The following USP47 variants were observed in gnomAD, a reference collection of about 807,000 sequenced individuals.
USP47 encodes ubiquitin carboxyl-terminal hydrolase 47.
In USP47, 35 loss-of-function variants were observed where a neutral mutation model predicts 165.1. The observed-to-expected ratio is 0.21, with a 90% CI of 0.16 to 0.28. USP47 has a LOEUF of 0.28. Ranked by LOEUF, USP47 falls within the 10% of genes least tolerant of loss-of-function variation. The pLI is 1.00. For synonymous variants in USP47, 531 were observed against 544.5 expected (o/e 0.98, Z 0.35); for missense variants, 1,277 against 1,607.4 (o/e 0.79, Z 3.52).
chr11:11,867,078 G>C (rs937737530), intron 1 of USP47, among the ~76,000 whole-genome samples: 1 of 151,978 alleles, frequency 6.6e-6, no homozygotes, highest in Non-Finnish European at 1.5e-5. Context: ...TGTATTTTTG[G>C]TAGAGACAGG....
At position 11,842,073 on chromosome 11, in the gene USP47, G is replaced by C; in HGVS notation, c.-113G>C. On this transcript the variant is annotated 5_prime_UTR_variant, in exon 1 of 28. Coordinates refer to ENST00000527733, the MANE Select transcript of USP47 (RefSeq NM_001282659.2). ...CAGGCTGAGGCCTCCGCTATTGCTG[G>C]AGCGCAGGCGGCGGAGAGGATGACT... The C allele has an allele frequency of 7.4e-7, 1 of 1,347,018 alleles. No homozygotes were observed. Among genetic ancestry groups the C allele is most frequent in the Non-Finnish European group, 1.0e-6 (1 of 981,978 alleles). 83.4% of individuals were successfully genotyped at this position (1,347,018 alleles called of 1,614,324 possible).
At chr11:11,898,806 G>A (rs918865820) in intron 5 of USP47, among the ~76,000 whole-genome samples, 1 of 152,148 alleles carries the variant, frequency 6.6e-6, no homozygotes, top group African/African-American at 2.4e-5. Flanking sequence ...AGAAGAAAGA[G>A]AATACACTGT....
intron 11 of USP47, among the ~76,000 whole-genome samples, chr11:11,925,390 A>G (rs1854163646): frequency 6.6e-6 from 1 of 152,146 alleles, no homozygotes; most frequent in South Asian, 2.1e-4. Context: ...GGCGTGAGCC[A>G]CCGCACCCGG....
At chr11:11,908,872 G>A (rs1852765194) in intron 8 of USP47, among the ~76,000 whole-genome samples, 1 of 152,088 alleles carries the variant, frequency 6.6e-6, no homozygotes, top group African/African-American at 2.4e-5. Flanking sequence ...GTCTGTAAAA[G>A]GATTTAGTAG....
rs117427025 is a variant in USP47 at position 11,912,362 on chromosome 11, G to A, written c.969+6814G>A. Among the ~76,000 whole-genome samples, 1,485 of 152,036 alleles carry A rather than the reference G, an allele frequency of 9.8e-3. 19 individuals carry two copies. Among genetic ancestry groups the A allele is most frequent in the Non-Finnish European group, 0.012 (829 of 67,942 alleles). ...GGGAAGGCAAAAATTTCCAGTATCA[G>A]GAATGAAAAGGATATAACTATAGAT... is the stretch of plus-strand genomic sequence containing the variant. On this transcript the variant is annotated intron_variant, in intron 8 of 27. Coordinates refer to ENST00000527733, the MANE Select transcript of USP47 (RefSeq NM_001282659.2).
chr11:11,921,287 A>T (rs1296059570), intron 10 of USP47, among the ~76,000 whole-genome samples: 1 of 151,476 alleles, frequency 6.6e-6, no homozygotes, highest in East Asian at 1.9e-4. Flanking sequence ...CTATAGTTAT[A>T]AAAAATGCCT....
intron 8 of USP47, among the ~76,000 whole-genome samples, chr11:11,912,337 G>A (rs1853059457): frequency 6.6e-6 from 1 of 151,956 alleles, no homozygotes; most frequent in Non-Finnish European, 1.5e-5. Context: ...CAGAGAAAAA[G>A]GGAAGGCAAA....
intron 3 of USP47, among the ~76,000 whole-genome samples, chr11:11,886,538 T>A (rs567516395): frequency 6.6e-6 from 1 of 151,748 alleles, no homozygotes; most frequent in South Asian, 2.1e-4. Flanking sequence ...CAGACAAGAA[T>A]AGAGAAAAAA....
intron 24 of USP47, chr11:11,951,501 A>G (rs965137837): frequency 4.6e-5 from 7 of 152,210 alleles, no homozygotes; most frequent in African/African-American, 7.2e-5. Flanking sequence ...AGGGAGGCTT[A>G]TAGGAGGAAA....
intron 4 of USP47, 65 bp from the exon 5 acceptor site, chr11:11,897,532 T>G: frequency 8.5e-7 from 1 of 1,179,892 alleles, no homozygotes; most frequent in Non-Finnish European, 1.2e-6. Flanking sequence ...ATTAAATTCT[T>G]ATTATGTTTT....
At chr11:11,866,511 A>G (rs924308269) in intron 1 of USP47, among the ~76,000 whole-genome samples, 1 of 152,212 alleles carries the variant, frequency 6.6e-6, no homozygotes, top group Non-Finnish European at 1.5e-5. Context: ...GGTGATGAAC[A>G]TGATTATGGT....
chr11:11,948,886 A>T (rs528208088), intron 22 of USP47: 47 of 217,118 alleles, frequency 2.2e-4, no homozygotes, highest in African/African-American at 1.1e-3. Flanking sequence ...GAAATGAGAC[A>T]AAATTTTCCT....
At chr11:11,874,057 A>G (rs1564858875) in intron 1 of USP47, among the ~76,000 whole-genome samples, 1 of 152,218 alleles carries the variant, frequency 6.6e-6, no homozygotes, top group African/African-American at 2.4e-5. Context: ...CTAGTGAATG[A>G]GGGAGAAAAA....
intron 25 of USP47, among the ~76,000 whole-genome samples, chr11:11,954,590 GT>G (rs1456324394): frequency 2.0e-5 from 3 of 152,188 alleles, no homozygotes; most frequent in Non-Finnish European, 4.4e-5. Context: ...TGAAGAGAAT[GT>G]GGTCACTTTG....
chr11:11,933,727 C>G lies in USP47; in HGVS notation c.1765-104C>G, dbSNP rs939999733. On this transcript the variant is annotated intron_variant, in intron 15 of 27. Coordinates refer to ENST00000527733, the MANE Select transcript of USP47 (RefSeq NM_001282659.2). ...ATAGAAGAGTGATCTCAATTATGTT[C>G]TTTTAAAAAATTGCAGTATTTTGAC... The G allele has an allele frequency of 3.5e-5, 26 of 747,878 alleles. No individual in the cohort carries two copies. The African/African-American group carries it at 4.6e-4, about 13-fold the overall frequency. The allele number at this position is 747,878 out of a possible 1,614,324, so 46.3% of individuals were successfully genotyped here.
At position 11,942,857 on chromosome 11, in the gene USP47, C is replaced by A; in HGVS notation, c.2836C>A (p.His946Asn). 1 of 1,613,696 alleles carries A rather than the reference C, an allele frequency of 6.2e-7. No individual in the cohort carries two copies. Among genetic ancestry groups the A allele is most frequent in the South Asian group, 1.1e-5 (1 of 91,034 alleles). The change falls in exon 20 of 28, where the codon CAT (histidine) becomes AAT (asparagine). Residue 946 changes from histidine (H) to asparagine (N), a missense_variant. Physicochemically the swap from His to Asn is moderately conservative, Grantham distance 68. Transcript: ENST00000527733. Reference sequence around the variant, plus strand: ...GGACAGTGATATTCTTAGCTCCAGTCATAGCAGTGATACTTTGTGCAATGC... The same window carrying A: ...GGACAGTGATATTCTTAGCTCCAGTAATAGCAGTGATACTTTGTGCAATGC... The part of the protein sequence containing the change: ...SVDSDILSSS[H>N]SSDTLCNADN...
intron 8 of USP47, among the ~76,000 whole-genome samples, chr11:11,915,937 A>G (rs1293837330): frequency 6.6e-6 from 1 of 152,172 alleles, no homozygotes; most frequent in Non-Finnish European, 1.5e-5. Context: ...TTCAAAATTA[A>G]GTAGATTTTA....
chr11:11,935,332 G>A lies in USP47; in HGVS notation c.1870-971G>A, dbSNP rs572957751. 3.9e-5 allele frequency among the ~76,000 whole-genome samples: 6 copies of A among 152,118 alleles called. No homozygotes were observed. The South Asian group carries it at 1.2e-3, about 32-fold the overall frequency. ...AGAATAGTCAAAATTGGTTGGGTAT[G>A]TTGAATGGATAAATGAATGAACAAA... On this transcript the variant is annotated intron_variant, in intron 16 of 27. Transcript: ENST00000527733.
At chr11:11,887,019 G>T (rs867880017) in intron 3 of USP47, among the ~76,000 whole-genome samples, 10 of 152,088 alleles carry the variant, frequency 6.6e-5, no homozygotes, top group Admixed American at 3.3e-4. Flanking sequence ...ATCCTTTTCA[G>T]ACGAGCAAAT....
Sources: allele counts gnomAD v4.1 joint callset (sites outside exome capture counted in the v4.1 genomes callset), GRCh38; gene constraint gnomAD v4.1.1; transcripts MANE v1.5; gene names NCBI Gene and HGNC (gene_info 2026-07-23, HGNC 2026-07-21).